Variants in SEC14L5 observed in about 807,000 individuals in gnomAD.
SEC14L5 encodes the protein SEC14-like protein 5.
SEC14L5 carries 96 observed loss-of-function variants against 84.6 expected under a neutral mutation model. The ratio of observed to expected loss-of-function variants is 1.13; its 90% CI spans 0.96 to 1.34. The LOEUF is 1.34. SEC14L5 is among the 40% of genes most tolerant of loss of function. The pLI is 0.00. For synonymous variants in SEC14L5, 546 were observed against 383.4 expected (o/e 1.42, Z -4.95); for missense variants, 1,224 against 942.5 (o/e 1.30, Z -3.91).
In SEC14L5 at chr16:5,015,028, T is replaced by C; in HGVS notation, c.*58T>C. ...CTCCAGTGTCCAGAAATGTCCAGAA[T>C]GAGAAGCCAGCTAACTGCAGGGCCT... On this transcript the variant is annotated 3_prime_UTR_variant, in exon 16 of 16. Transcript: ENST00000251170. 1 of 1,375,332 alleles carries C rather than the reference T, an allele frequency of 7.3e-7. No homozygotes were observed. Among genetic ancestry groups the C allele is most frequent in the South Asian group, 1.2e-5 (1 of 85,152 alleles). The allele number at this position is 1,375,332 out of a possible 1,614,324, so 85.2% of individuals were successfully genotyped here. A position where few individuals can be genotyped will look rare whatever the true frequency, so the allele number is the denominator to read the frequency against.
chr16:4,997,131 C>G, intron 8 of SEC14L5, 87 bp downstream of exon 8: 1 of 973,448 alleles, frequency 1.0e-6, no homozygotes, highest in Admixed American at 3.1e-5. Flanking sequence ...TGGGGTCTCA[C>G]TCTGTCACCC....
At chr16:5,002,106 A>G (rs934615620) in intron 10 of SEC14L5, among the ~76,000 whole-genome samples, 3 of 152,188 alleles carry the variant, frequency 2.0e-5, no homozygotes, top group African/African-American at 7.2e-5. Context: ...CTCAAAAATA[A>G]TAAGGGTTTA....
chr16:5,002,504 C>G (rs1479423820), intron 10 of SEC14L5, among the ~76,000 whole-genome samples: 1 of 151,926 alleles, frequency 6.6e-6, no homozygotes, highest in Non-Finnish European at 1.5e-5. Context: ...ACCATGTTGG[C>G]CAGGCTGGTC....
intron 10 of SEC14L5, among the ~76,000 whole-genome samples, chr16:5,002,934 A>G (rs148458637): frequency 0.019 from 2,946 of 152,350 alleles, 88 homozygotes; most frequent in African/African-American, 0.067. Context: ...TTTTGCAATC[A>G]GACCTTGGTG....
Position 4,988,187 on chromosome 16 carries a change from C to T in SEC14L5, c.252C>T (p.Asn84=), listed in dbSNP as rs1246328689. The T allele has an allele frequency of 1.6e-5, 26 of 1,598,486 alleles. No individual in the cohort carries two copies. Among genetic ancestry groups the T allele is most frequent in the Middle Eastern group, 1.7e-4 (1 of 6,018 alleles). ...GVEHVVFVQT[N]ILNWKERTLL... Reference sequence around the variant, plus strand: ...AGCACGTGGTCTTCGTGCAGACAAACATCTTGAACTGGAAGGAGAGGACGC... The same window carrying T: ...AGCACGTGGTCTTCGTGCAGACAAATATCTTGAACTGGAAGGAGAGGACGC... The change falls in exon 4 of 16, where the codon AAC becomes AAT. Residue 84 remains asparagine, a synonymous_variant. Coordinates refer to ENST00000251170, the MANE Select transcript of SEC14L5 (RefSeq NM_014692.2).
intron 2 of SEC14L5, among the ~76,000 whole-genome samples, chr16:4,974,060 G>C (rs1955310918): frequency 1.3e-5 from 2 of 152,060 alleles, no homozygotes; most frequent in African/African-American, 4.8e-5. Context: ...CGGATGAGTG[G>C]TTGTCTAGGA....
chr16:4,999,002 T>G (rs1004201144), intron 8 of SEC14L5, among the ~76,000 whole-genome samples: 7 of 152,228 alleles, frequency 4.6e-5, no homozygotes, highest in African/African-American at 1.4e-4. Flanking sequence ...TGCTGTCTGC[T>G]GAAGTTGAAT....
chr16:4,996,381 G>T lies in SEC14L5; in HGVS notation c.701G>T (p.Cys234Phe), dbSNP rs779639277. 1 of 1,565,614 alleles carries T rather than the reference G, an allele frequency of 6.4e-7. No homozygotes were observed. The highest frequency in any genetic ancestry group is 2.4e-5 in the East Asian group (1 of 41,764). ...DKLDADYIER[C>F]LGHLTPMQES... ...CTGGATGCGGACTACATTGAGAGGTGCCTGGGCCACCTCACGCCCATGCAG... is the reference window on the plus strand; with the variant it reads ...CTGGATGCGGACTACATTGAGAGGTTCCTGGGCCACCTCACGCCCATGCAG... The change falls in exon 7 of 16, where the codon TGC becomes TTC. Residue 234 changes from cysteine to phenylalanine, a missense_variant. Transcript: ENST00000251170.
At chr16:4,960,308 A>G (rs1219648342) in intron 2 of SEC14L5, among the ~76,000 whole-genome samples, 1 of 152,208 alleles carries the variant, frequency 6.6e-6, no homozygotes, top group East Asian at 1.9e-4. Context: ...GAGCTCACAA[A>G]ATATGCTGTC....
chr16:5,008,461 G>A lies in SEC14L5; in HGVS notation c.1613G>A (p.Trp538Ter). ...CTGGAAGGAGAGTCGGTCATCACCT[G>A]GGACTTTGACATCCTGCGAGGGGAC... ...EILEGESVITWDFDILRGDVV... is the reference protein window; with the variant it reads ...EILEGESVIT The change falls in exon 14 of 16, where the codon TGG becomes TAG. Residue 538 changes from tryptophan (W) to a stop codon, truncating the protein, a stop_gained. Coordinates refer to ENST00000251170, the MANE Select transcript of SEC14L5 (RefSeq NM_014692.2). LOFTEE classifies it high-confidence loss of function. The A allele has an allele frequency of 1.9e-6, 3 of 1,613,528 alleles. No individual in the cohort carries two copies. The highest frequency in any genetic ancestry group is 2.2e-5 in the South Asian group (2 of 91,046).
chr16:4,974,321 C>G (rs1955314678), intron 2 of SEC14L5, among the ~76,000 whole-genome samples: 1 of 151,936 alleles, frequency 6.6e-6, no homozygotes, highest in Non-Finnish European at 1.5e-5. Context: ...CCCGCCCCAG[C>G]CTCCCGAGTA....
intron 2 of SEC14L5, among the ~76,000 whole-genome samples, chr16:4,978,793 G>A (rs148324505): frequency 3.9e-5 from 6 of 152,002 alleles, no homozygotes; most frequent in Admixed American, 2.6e-4. Flanking sequence ...TAGTAGAGAC[G>A]GGTTTCACCG....
chr16:4,987,463 C>G, intron 2 of SEC14L5, 94 bp from the exon 3 acceptor site: 1 of 1,115,028 alleles, frequency 9.0e-7, no homozygotes, highest in Non-Finnish European at 1.2e-6. Flanking sequence ...CCTTTCCCGT[C>G]TGATAAGTGA....
At chr16:4,979,352 C>A (rs1955391177) in intron 2 of SEC14L5, among the ~76,000 whole-genome samples, 1 of 152,218 alleles carries the variant, frequency 6.6e-6, no homozygotes, top group African/African-American at 2.4e-5. Context: ...TGATCCCTCA[C>A]AAGCTGTGCG....
In SEC14L5 at chr16:5,006,021, C is replaced by A; in HGVS notation, c.1410C>A (p.Ile470=). ...TGGACTATCTGGATAGAGAAGTGAT[C>A]CCTGACTTCCTTGGGGGAGAGAGTG... ...GLVDYLDREV[I]PDFLGGESVC... Residue 470 remains isoleucine (I), a synonymous_variant, in exon 12 of 16, where the codon ATC becomes ATA. Transcript: ENST00000251170. 1 of 1,613,880 alleles carries A rather than the reference C, an allele frequency of 6.2e-7. No individual in the cohort carries two copies. The highest frequency in any genetic ancestry group is 8.5e-7 in the Non-Finnish European group (1 of 1,179,812).
intron 2 of SEC14L5, among the ~76,000 whole-genome samples, chr16:4,980,392 C>A (rs1596622129): frequency 6.6e-6 from 1 of 152,118 alleles, no homozygotes; most frequent in Admixed American, 6.6e-5. Context: ...ACCAGCCTCC[C>A]CTCCGTGCCT....
At chr16:4,976,605 C>G (rs1489759511) in intron 2 of SEC14L5, among the ~76,000 whole-genome samples, 1 of 152,242 alleles carries the variant, frequency 6.6e-6, no homozygotes, top group East Asian at 1.9e-4. Context: ...TAGCTCCAGC[C>G]TCCCATCTCC....
At chr16:4,988,898 G>A (rs1006926021) in intron 4 of SEC14L5, among the ~76,000 whole-genome samples, 1 of 152,260 alleles carries the variant, frequency 6.6e-6, no homozygotes, top group African/African-American at 2.4e-5. Context: ...CATTCCAGTG[G>A]AACAAAACGG....
intron 1 of SEC14L5, 154 bp from the exon 2 acceptor site, chr16:4,959,119 G>C: frequency 1.7e-6 from 1 of 600,264 alleles, no homozygotes; most frequent in Admixed American, 2.8e-5. Context: ...GTTGGGGCTT[G>C]GCCTGGAGTA....
Sources: gnomAD v4.1 joint callset for allele counts (sites outside exome capture counted in the v4.1 genomes callset) on GRCh38, gnomAD v4.1.1 for gene constraint, MANE v1.5 for transcripts, NCBI Gene and HGNC (gene_info 2026-07-23, HGNC 2026-07-21) for gene names.